Variants in CORO7 observed in about 807,000 individuals in gnomAD.
CORO7 encodes the protein coronin-7.
Under a neutral mutation model 126.6 loss-of-function variants are expected in CORO7, and 107 were observed. The observed-to-expected ratio is 0.85, with a 90% CI of 0.72 to 0.99. CORO7 has a LOEUF of 0.99. Ranked by LOEUF, CORO7 falls within the 50% of genes least tolerant of loss-of-function variation. CORO7 has a pLI of 0.00. For synonymous variants in CORO7, 603 were observed against 536.8 expected, an observed-to-expected ratio of 1.12 and a Z score of -1.70; for missense variants, 1,314 against 1,255.8, an observed-to-expected ratio of 1.05 and a Z score of -0.70.
intron 9 of CORO7, among the ~76,000 whole-genome samples, chr16:4,378,497 C>T (rs1303292620): frequency 1.3e-5 from 2 of 152,174 alleles, no homozygotes; most frequent in Non-Finnish European, 2.9e-5. Flanking sequence ...GGGTCACTCA[C>T]AGCCCACATC....
chr16:4,397,976 G>A (rs1271165931), intron 6 of CORO7, among the ~76,000 whole-genome samples: 1 of 151,948 alleles, frequency 6.6e-6, no homozygotes, highest in South Asian at 2.1e-4. Context: ...AAGCGCAGCA[G>A]TGCAATCACA....
At chr16:4,380,831 C>T (rs1252965407) in intron 9 of CORO7, 21 of 1,434,160 alleles carry the variant, frequency 1.5e-5, no homozygotes, top group Non-Finnish European at 1.7e-5. Context: ...AGGCCCCTGA[C>T]TCACAGTCTT....
At chr16:4,396,921 C>G (rs565804157) in intron 6 of CORO7, among the ~76,000 whole-genome samples, 3 of 147,742 alleles carry the variant, frequency 2.0e-5, no homozygotes, top group South Asian at 2.1e-4. Flanking sequence ...GGGGCGGAGG[C>G]AGGAGAATCG....
intron 9 of CORO7, among the ~76,000 whole-genome samples, chr16:4,370,548 C>T (rs2054488342): frequency 6.6e-6 from 1 of 152,242 alleles, no homozygotes; most frequent in African/African-American, 2.4e-5. Flanking sequence ...AGCCCCAACC[C>T]AGGAACAGAG....
chr16:4,388,555 C>T lies in CORO7; in HGVS notation c.692G>A (p.Gly231Glu). 1 of 1,612,626 alleles carries T rather than the reference C, an allele frequency of 6.2e-7. No homozygotes were observed. Among genetic ancestry groups the T allele is most frequent in the Non-Finnish European group, 8.5e-7 (1 of 1,179,714 alleles). Residue 231 changes from glycine to glutamate, a missense_variant, in exon 8 of 28, where the codon GGA becomes GAA. Physicochemically the swap from Gly to Glu is moderately conservative, Grantham distance 98. Coordinates refer to ENST00000251166, the MANE Select transcript of CORO7 (RefSeq NM_024535.5). ...MGTWEHLVST[G>E]FNQMREREVK... ...GGAGGAACCCCCTACCTGGTTGAATCCAGTAGACACAAGGTGCTCCCAGGT... is the reference window on the plus strand; with the variant it reads ...GGAGGAACCCCCTACCTGGTTGAATTCAGTAGACACAAGGTGCTCCCAGGT...
At chr16:4,407,819 C>T (rs1288295352) in intron 4 of CORO7, 135 bp from the exon 5 acceptor site, 4 of 1,118,502 alleles carry the variant, frequency 3.6e-6, no homozygotes, top group East Asian at 2.6e-5. Context: ...TTGGGAGGAG[C>T]GCCCACCCGC....
intron 9 of CORO7, among the ~76,000 whole-genome samples, chr16:4,378,115 C>G (rs964056393): frequency 1.3e-5 from 2 of 152,212 alleles, no homozygotes; most frequent in African/African-American, 4.8e-5. Flanking sequence ...CCCCTAAGAG[C>G]TGGCCTGCAC....
At chr16:4,374,598 G>A (rs547653946) in intron 9 of CORO7, among the ~76,000 whole-genome samples, 8 of 152,262 alleles carry the variant, frequency 5.3e-5, no homozygotes, top group Admixed American at 2.6e-4. Flanking sequence ...CCTGGGCCCC[G>A]AGCCCGGCTG....
chr16:4,365,548 G>A lies in CORO7; in HGVS notation c.786-3C>T. 1 of 1,577,582 alleles carries A rather than the reference G, an allele frequency of 6.3e-7. No homozygotes were observed. Among genetic ancestry groups the A allele is most frequent in the Non-Finnish European group, 8.6e-7 (1 of 1,161,836 alleles). On this transcript the variant is annotated splice_polypyrimidine_tract_variant and splice_region_variant and intron_variant, in intron 9 of 27. Coordinates refer to ENST00000251166, the MANE Select transcript of CORO7 (RefSeq NM_024535.5). ...GGTCCAGCAGAGGCACGAGACACCTGGGGAAGAGAGGGCAAGATGGCGGGT... is the reference window on the plus strand; with the variant it reads ...GGTCCAGCAGAGGCACGAGACACCTAGGGAAGAGAGGGCAAGATGGCGGGT...
Position 4,378,041 on chromosome 16 carries a change from G to A in CORO7, c.785+9945C>T, listed in dbSNP as rs138663261. 6.6e-5 allele frequency among the ~76,000 whole-genome samples: 10 copies of A among 152,228 alleles called. No individual in the cohort carries two copies. The East Asian group carries it at 1.9e-3, about 29-fold the overall frequency. On this transcript the variant is annotated intron_variant, in intron 9 of 27. Transcript: ENST00000251166. ...GCTGATTAAAGACCCAACAGATTAC[G>A]GAGCCCAGAGCTATGGCTGGTCCCC...
chr16:4,382,367 C>T, intron 9 of CORO7: 1 of 1,612,162 alleles, frequency 6.2e-7, no homozygotes. Context: ...CTCCGTCTCA[C>T]CTATCGCAAC....
chr16:4,392,592 G>A (rs900756259), intron 7 of CORO7, among the ~76,000 whole-genome samples: 1 of 152,180 alleles, frequency 6.6e-6, no homozygotes, highest in African/African-American at 2.4e-5. Flanking sequence ...GACCCACAGA[G>A]GACAGAGGTT....
rs562159287 is a variant in CORO7 at position 4,382,641 on chromosome 16, C to T, written c.785+5345G>A. On this transcript the variant is annotated intron_variant, in intron 9 of 27. Transcript: ENST00000251166. ...CCGCCCTGGCCGCGGTGCTCCTGGC[C>T]GCGCTGGCTGCGGTGGGGGCAGCCT... The T allele has an allele frequency of 1.8e-4, 284 of 1,559,322 alleles. 1 individual carries two copies. The highest frequency in any genetic ancestry group is 2.4e-4 in the East Asian group (10 of 41,584).
intron 25 of CORO7, chr16:4,357,645 C>A (rs1375511791): frequency 2.7e-6 from 1 of 371,938 alleles, no homozygotes; most frequent in African/African-American, 2.1e-5. Flanking sequence ...CATGAGCCAC[C>A]GCGCCTGGCC....
At chr16:4,367,021 C>A (rs2054368953) in intron 9 of CORO7, among the ~76,000 whole-genome samples, 1 of 152,206 alleles carries the variant, frequency 6.6e-6, no homozygotes, top group East Asian at 1.9e-4. Context: ...GTCCACCCAT[C>A]CCCTCCTGCC....
Position 4,407,501 on chromosome 16 carries a change from C to G in CORO7, c.487G>C (p.Glu163Gln), listed in dbSNP as rs760085279. 4 of 1,565,134 alleles carry G rather than the reference C, an allele frequency of 2.6e-6. No homozygotes were observed. The highest frequency in any genetic ancestry group is 3.5e-6 in the Non-Finnish European group (4 of 1,154,916). Residue 163 changes from glutamate (E) to glutamine (Q), a missense_variant and splice_region_variant, in exon 5 of 28, where the codon GAG becomes CAG. Glu to Gln is a conservative substitution (Grantham distance 29). Transcript: ENST00000251166. ...WDAAKQQPLT[E>Q]LAAHGDLVQS... ...AAGGGCAGGCCAGGGTGGCCTGTAC[C>G]TGTCAGGGGCTGCTGCTTGGCTGCG...
At position 4,364,405 on chromosome 16, in the gene CORO7, C is replaced by A; in HGVS notation, c.1146G>T (p.Lys382Asn). ...GCCGGCAGGCGGGGTTGAGGCTGAC[C>A]TTCTGCACCTGCATGGAGGCCGGCA... Reference protein sequence around the residue: ...WWAGDNQQVQKVSLNPACRPH... With the variant: ...WWAGDNQQVQNVSLNPACRPH... The change falls in exon 14 of 28, where the codon AAG becomes AAT. Residue 382 changes from lysine (K) to asparagine (N), a missense_variant. Lys to Asn is a moderately conservative substitution (Grantham distance 94). Transcript: ENST00000251166. 6.6e-7 allele frequency: 1 copy of A among 1,506,156 alleles called. No homozygotes were observed. Among genetic ancestry groups the A allele is most frequent in the Non-Finnish European group, 8.9e-7 (1 of 1,129,682 alleles). The allele number at this position is 1,506,156 out of a possible 1,614,324, so 93.3% of individuals were successfully genotyped here.
rs1472570755 is a variant in CORO7 at position 4,361,169 on chromosome 16, C to T, written c.1767G>A (p.Val589=). The T allele has an allele frequency of 4.3e-6, 7 of 1,612,944 alleles. No homozygotes were observed. The highest frequency in any genetic ancestry group is 5.9e-6 in the Non-Finnish European group (7 of 1,180,010). Residue 589 remains valine, a synonymous_variant, in exon 18 of 28, where the codon GTG becomes GTA. Transcript: ENST00000251166. ...LEEVLTTPET[V]LTGHTEKICS... ...TTCCTGAGCCTGCCTGACCTGTGAG[C>T]ACAGTCTCTGGCGTGGTGAGCACCT...
At chr16:4,370,874 G>T (rs146429788) in intron 9 of CORO7, among the ~76,000 whole-genome samples, 2 of 152,372 alleles carry the variant, frequency 1.3e-5, no homozygotes, top group African/African-American at 2.4e-5. Flanking sequence ...CGGGCTGGAG[G>T]GGGTGTGGGT....
Sources: allele counts gnomAD v4.1 joint callset (sites outside exome capture counted in the v4.1 genomes callset), GRCh38; gene constraint gnomAD v4.1.1; transcripts MANE v1.5; gene names NCBI Gene and HGNC (gene_info 2026-07-23, HGNC 2026-07-21).